The following PCDHGA9 variants were observed in gnomAD, a reference collection of about 807,000 sequenced individuals.
The protein encoded by PCDHGA9 is protocadherin gamma-A9.
PCDHGA9 carries 37 observed loss-of-function variants against 62.5 expected under a neutral mutation model. The observed-to-expected ratio is 0.59, with a 90% CI of 0.46 to 0.78. The LOEUF (loss-of-function observed/expected upper bound fraction) is 0.78. Ranked by LOEUF, PCDHGA9 falls within the 30% of genes least tolerant of loss-of-function variation. The pLI is 0.00. For missense variants in PCDHGA9, 1,138 were observed against 1,166.2 expected (o/e 0.98, Z 0.35); for synonymous variants, 459 against 484.6 (o/e 0.95, Z 0.69).
At chr5:141,419,210 GTTT>G in intron 1 of PCDHGA9, 1 of 1,613,926 alleles carries the variant, frequency 6.2e-7, no homozygotes, top group East Asian at 2.2e-5. Flanking sequence ...CAACGCGCCG[GTTT>G]TCGGACAGTC....
intron 1 of PCDHGA9, among the ~76,000 whole-genome samples, chr5:141,444,162 T>A: frequency 8.4e-6 from 1 of 119,238 alleles, no homozygotes. Flanking sequence ...ATTTTTTTTT[T>A]TTTTTTTTTT....
At chr5:141,427,191 G>A (rs749528616) in intron 1 of PCDHGA9, 1 of 456,716 alleles carries the variant, frequency 2.2e-6, no homozygotes, top group South Asian at 1.5e-5. Flanking sequence ...TAAATCCAAA[G>A]ACTTAATAGA....
intron 1 of PCDHGA9, among the ~76,000 whole-genome samples, chr5:141,475,556 T>A (rs1420756007): frequency 6.6e-6 from 1 of 152,248 alleles, no homozygotes; most frequent in Non-Finnish European, 1.5e-5. Context: ...CGGCTAATTG[T>A]CTGTCTTCCA....
At chr5:141,428,064 G>C in intron 1 of PCDHGA9, 1 of 1,609,060 alleles carries the variant, frequency 6.2e-7, no homozygotes, top group East Asian at 2.2e-5. Flanking sequence ...GGCGGTGGAC[G>C]CAGATTCGGG....
rs370299433 is a variant in PCDHGA9 at position 141,476,360 on chromosome 5, G to A, written c.2425-18447G>A. 5.3e-5 allele frequency: 86 copies of A among 1,614,186 alleles called. No homozygotes were observed. The highest frequency in any genetic ancestry group is 6.7e-5 in the Non-Finnish European group (79 of 1,180,042). ...CCGAAGATTCTTTGAGGTGAACCGG[G>A]AGACCGGAGAGATGTTTGTGAACGA... On this transcript the variant is annotated intron_variant, in intron 1 of 3. Transcript: ENST00000573521. This position sits in a 1 kb window ranked among gnomAD's most constrained non-coding sequence, Gnocchi z 7.6.
At chr5:141,510,850 G>A in intron 3 of PCDHGA9, 97 bp from the exon 4 acceptor site, 4 of 1,599,444 alleles carry the variant, frequency 2.5e-6, no homozygotes, top group South Asian at 1.1e-5. Context: ...AAGGCCCAGG[G>A]TGCTGTATAG....
chr5:141,446,757 G>A (rs769049265), intron 1 of PCDHGA9, among the ~76,000 whole-genome samples: 10 of 152,158 alleles, frequency 6.6e-5, no homozygotes, highest in African/African-American at 1.4e-4. Context: ...GTGAGCCACC[G>A]CGCCCAGCCG....
Position 141,413,864 on chromosome 5 carries a change from T to C in PCDHGA9, c.2424+8488T>C. 3 of 1,613,398 alleles carry C rather than the reference T, an allele frequency of 1.9e-6. No homozygotes were observed. The Admixed American group carries it at 5.0e-5, about 27-fold the overall frequency. ...GGTGACCCTCTCCGATCTGGCACTG[T>C]CCTTGTCAGTGTGACTGTCTTCGAT... On this transcript the variant is annotated intron_variant, in intron 1 of 3. Transcript: ENST00000573521.
At position 141,487,179 on chromosome 5, in the gene PCDHGA9, C is replaced by T. The variant is rs768886732; in HGVS notation, c.2425-7628C>T. Reference sequence around the variant, plus strand: ...CTCTTAGTGTCCTTAGAGGAAGACACTCATCCAGTTGTCCCAGATCTTCGA... The same window carrying T: ...CTCTTAGTGTCCTTAGAGGAAGACATTCATCCAGTTGTCCCAGATCTTCGA... On this transcript the variant is annotated intron_variant, in intron 1 of 3. Transcript: ENST00000573521. This position sits in a 1 kb window ranked among gnomAD's most constrained non-coding sequence, Gnocchi z 5.0. 6.2e-6 allele frequency: 10 copies of T among 1,613,474 alleles called. No individual in the cohort carries two copies. Among genetic ancestry groups the T allele is most frequent in the Non-Finnish European group, 6.8e-6 (8 of 1,179,370 alleles).
chr5:141,452,358 T>C (rs2098739424), intron 1 of PCDHGA9, among the ~76,000 whole-genome samples: 1 of 152,236 alleles, frequency 6.6e-6, no homozygotes, highest in African/African-American at 2.4e-5. Context: ...CCAAAAGCCT[T>C]GCTTCATTTT....
intron 1 of PCDHGA9, chr5:141,433,370 T>TCTAA (rs1466476027): frequency 1.8e-6 from 1 of 554,768 alleles, no homozygotes; most frequent in African/African-American, 1.9e-5. Context: ...TATCTATCTA[T>TCTAA]CTATCTATCT....
chr5:141,504,224 C>T (rs2099836716), intron 2 of PCDHGA9, among the ~76,000 whole-genome samples: 2 of 152,160 alleles, frequency 1.3e-5, no homozygotes, highest in African/African-American at 4.8e-5. Flanking sequence ...TAGAGCTGAA[C>T]CTTCTAAGAA....
chr5:141,422,131 G>T (rs747294750), intron 1 of PCDHGA9: 3 of 1,598,182 alleles, frequency 1.9e-6, no homozygotes, highest in Non-Finnish European at 2.6e-6. Context: ...AACTGGAGAA[G>T]TTCAAGTACG....
chr5:141,435,467 G>A (rs1019246812), intron 1 of PCDHGA9, among the ~76,000 whole-genome samples: 3 of 152,146 alleles, frequency 2.0e-5, no homozygotes, highest in Non-Finnish European at 2.9e-5. Context: ...GTGTTTCCAA[G>A]TTAGACATTT....
chr5:141,430,583 C>A, intron 1 of PCDHGA9: 1 of 490,378 alleles, frequency 2.0e-6, no homozygotes, highest in Non-Finnish European at 3.4e-6. Flanking sequence ...AGATCCTGCT[C>A]GCCTTGCACG....
rs759809060 is a variant in PCDHGA9, at chr5:141,476,317, G to A, written c.2425-18490G>A. 1.2e-6 allele frequency: 2 copies of A among 1,614,170 alleles called. No individual in the cohort carries two copies. Among genetic ancestry groups the A allele is most frequent in the South Asian group, 2.2e-5 (2 of 91,078 alleles). On this transcript the variant is annotated intron_variant, in intron 1 of 3. Coordinates refer to ENST00000573521, the MANE Select transcript of PCDHGA9 (RefSeq NM_018921.3). This position sits in a 1 kb window ranked among gnomAD's most constrained non-coding sequence, Gnocchi z 7.6. Reference sequence around the variant, plus strand: ...GTAGCCTCTCAGCCCGCAGGTTCCGGGTGGTGTCTGGAGCTAGCCGAAGAT... The same window carrying A: ...GTAGCCTCTCAGCCCGCAGGTTCCGAGTGGTGTCTGGAGCTAGCCGAAGAT...
rs1482278011 is a variant in PCDHGA9, at chr5:141,403,452, T to C, written c.500T>C (p.Leu167Pro). 15 of 1,613,988 alleles carry C rather than the reference T, an allele frequency of 9.3e-6. No individual in the cohort carries two copies. The highest frequency in any genetic ancestry group is 1.3e-5 in the Non-Finnish European group (15 of 1,179,892). ...GATCCGGATGTTGGCGTGAACTCCC[T>C]CCAGAGCTACCAGCTCAGCCCCAAT... ...AIDPDVGVNS[L>P]QSYQLSPNHH... Residue 167 changes from leucine (L) to proline (P), a missense_variant, in exon 1 of 4, where the codon CTC becomes CCC. Physicochemically the swap from Leu to Pro is moderately conservative, Grantham distance 98. Coordinates refer to ENST00000573521, the MANE Select transcript of PCDHGA9 (RefSeq NM_018921.3).
chr5:141,431,356 C>T lies in PCDHGA9; in HGVS notation c.2424+25980C>T. ...ACCCCGAATTGGTGCTGAAACGCGC[C>T]CTGGACCGCGAAGAAAAGGCTGCTC... On this transcript the variant is annotated intron_variant, in intron 1 of 3. Transcript: ENST00000573521. This position sits in a 1 kb window ranked among gnomAD's most constrained non-coding sequence, Gnocchi z 4.8. 6.2e-7 allele frequency: 1 copy of T among 1,614,004 alleles called. No individual in the cohort carries two copies. The highest frequency in any genetic ancestry group is 8.5e-7 in the Non-Finnish European group (1 of 1,180,026).
At position 141,477,961 on chromosome 5, in the gene PCDHGA9, C is replaced by T. The variant is rs199947431; in HGVS notation, c.2425-16846C>T. 21 of 1,614,048 alleles carry T rather than the reference C, an allele frequency of 1.3e-5. No homozygotes were observed. The Admixed American group carries it at 1.5e-4, about 12-fold the overall frequency. On this transcript the variant is annotated intron_variant, in intron 1 of 3. Coordinates refer to ENST00000573521, the MANE Select transcript of PCDHGA9 (RefSeq NM_018921.3). The surrounding 1 kb of genome is among the most constrained non-coding windows in gnomAD (Gnocchi z 4.9). Reference sequence around the variant, plus strand: ...CCTACAGTCTCTTGGGATCCCCTAACCAGAGCCTTTTTGCCATAGGGCTGC... The same window carrying T: ...CCTACAGTCTCTTGGGATCCCCTAATCAGAGCCTTTTTGCCATAGGGCTGC...
Sources: gnomAD v4.1 joint callset for allele counts (sites outside exome capture counted in the v4.1 genomes callset) on GRCh38, gnomAD v4.1.1 for gene constraint, Gnocchi (gnomAD v3.1) non-coding constraint, MANE v1.5 for transcripts, NCBI Gene and HGNC (gene_info 2026-07-23, HGNC 2026-07-21) for gene names.